TMEM132D: variants seen among roughly 807,000 people sequenced by gnomAD.
TMEM132D encodes transmembrane protein 132D.
In TMEM132D, 21 loss-of-function variants were observed where a neutral mutation model predicts 62.3. That is an observed-to-expected ratio of 0.34 (90% CI 0.24 to 0.49). TMEM132D has a LOEUF of 0.49. Ranked by LOEUF, TMEM132D falls within the 20% of genes least tolerant of loss-of-function variation. The probability of loss-of-function intolerance (pLI) is 0.99; values close to 1 mark genes in which losing one functional copy is unlikely to be tolerated. For missense variants in TMEM132D, 1,346 were observed against 1,402.8 expected (o/e 0.96, Z 0.65); for synonymous variants, 621 against 575.6 (o/e 1.08, Z -1.13).
intron 1 of TMEM132D, among the ~76,000 whole-genome samples, chr12:129,749,832 G>A (rs773229762): frequency 2.0e-5 from 3 of 152,056 alleles, no homozygotes; most frequent in Non-Finnish European, 4.4e-5. Context: ...CCTGGCTCAC[G>A]GTACTTGTAC....
intron 1 of TMEM132D, among the ~76,000 whole-genome samples, chr12:129,756,726 G>C (rs1000063599): frequency 7.9e-5 from 12 of 152,178 alleles, no homozygotes; most frequent in Non-Finnish European, 1.5e-4. Flanking sequence ...ATTTTAAAAA[G>C]AAAAGCGAAC....
At chr12:129,520,119 G>A (rs528477657) in intron 3 of TMEM132D, among the ~76,000 whole-genome samples, 7 of 152,104 alleles carry the variant, frequency 4.6e-5, no homozygotes, top group African/African-American at 1.4e-4. Flanking sequence ...CAGTGAGGCC[G>A]AACTTGATTT....
At chr12:129,253,040 T>G (rs1593312392) in intron 4 of TMEM132D, among the ~76,000 whole-genome samples, 2 of 79,926 alleles carry the variant, frequency 2.5e-5, no homozygotes, top group Non-Finnish European at 4.5e-5. Flanking sequence ...TGGGGACTGT[T>G]GTGGGGTGGG....
chr12:129,291,839 G>A (rs1022619915), intron 4 of TMEM132D, among the ~76,000 whole-genome samples: 1 of 152,130 alleles, frequency 6.6e-6, no homozygotes, highest in South Asian at 2.1e-4. Flanking sequence ...GTTCTAAGCA[G>A]AGGCTAGGAG....
chr12:129,261,436 T>C (rs1297444281), intron 4 of TMEM132D, among the ~76,000 whole-genome samples: 3 of 152,212 alleles, frequency 2.0e-5, no homozygotes, highest in Non-Finnish European at 4.4e-5. Context: ...CCATGTAAGA[T>C]GTGCCTTTGC....
chr12:129,791,369 T>C (rs2137298737), intron 1 of TMEM132D, among the ~76,000 whole-genome samples: 1 of 152,348 alleles, frequency 6.6e-6, no homozygotes, highest in East Asian at 1.9e-4. Flanking sequence ...CTAACAATTT[T>C]GTAGACTATT....
chr12:129,891,614 C>G (rs575226938), intron 1 of TMEM132D, among the ~76,000 whole-genome samples: 1 of 152,064 alleles, frequency 6.6e-6, no homozygotes, highest in African/African-American at 2.4e-5. Context: ...CTTTTTTGGC[C>G]CAGAGATTAA....
chr12:129,731,327 A>C (rs1318657587), intron 1 of TMEM132D, among the ~76,000 whole-genome samples: 2 of 152,162 alleles, frequency 1.3e-5, no homozygotes, highest in African/African-American at 4.8e-5. Flanking sequence ...ACTTAAAAAA[A>C]AATGCATAGT....
At chr12:129,572,598 C>T (rs549942805) in intron 2 of TMEM132D, among the ~76,000 whole-genome samples, 5 of 152,248 alleles carry the variant, frequency 3.3e-5, no homozygotes, top group African/African-American at 7.2e-5. Context: ...ACTAGGCATG[C>T]GGCATCACAC....
chr12:129,760,470 T>C (rs941053467), intron 1 of TMEM132D, among the ~76,000 whole-genome samples: 2 of 151,634 alleles, frequency 1.3e-5, no homozygotes, highest in Non-Finnish European at 2.9e-5. Context: ...TAGCTGGGAC[T>C]ACAGGCCCCC....
intron 3 of TMEM132D, among the ~76,000 whole-genome samples, chr12:129,459,607 T>A (rs1873592412): frequency 6.6e-6 from 1 of 152,198 alleles, no homozygotes. Flanking sequence ...TTCAAGTTAG[T>A]GTTTCTGAAT....
chr12:129,901,873 C>A (rs118014673), intron 1 of TMEM132D, among the ~76,000 whole-genome samples: 4 of 100,278 alleles, frequency 4.0e-5, no homozygotes, highest in Non-Finnish European at 9.9e-5. Context: ...CCCCCCCGCC[C>A]CAAAAAAAAA....
At chr12:129,696,440 C>A (rs1475373031) in intron 2 of TMEM132D, among the ~76,000 whole-genome samples, 1 of 152,194 alleles carries the variant, frequency 6.6e-6, no homozygotes, top group African/African-American at 2.4e-5. Flanking sequence ...GATGTCTCTG[C>A]CTTTAAGAAC....
At chr12:129,153,214 C>A (rs1273903682) in intron 5 of TMEM132D, among the ~76,000 whole-genome samples, 1 of 152,032 alleles carries the variant, frequency 6.6e-6, no homozygotes, top group East Asian at 1.9e-4. Flanking sequence ...TGTGTGCAGC[C>A]CTGTGCCAGA....
At chr12:129,576,932 AC>A (rs1464389071) in intron 2 of TMEM132D, among the ~76,000 whole-genome samples, 3 of 151,940 alleles carry the variant, frequency 2.0e-5, no homozygotes, top group African/African-American at 7.3e-5. Flanking sequence ...TCGTTTGTTT[AC>A]AAGATGAATT....
At position 129,075,075 on chromosome 12, in the gene TMEM132D, T is replaced by G. The variant is rs756867682; in HGVS notation, c.2116-16A>C. On this transcript the variant is annotated splice_polypyrimidine_tract_variant and intron_variant, in intron 8 of 8. Transcript: ENST00000422113. The stretch of plus-strand genomic sequence containing the variant: ...TGGCTGCTTCCTATGGAGAAAAATA[T>G]GTAAGTTAATCAAATGGGCCAAAAA... 4 of 1,588,306 alleles carry G rather than the reference T, an allele frequency of 2.5e-6. No individual in the cohort carries two copies. In the African/African-American group the frequency reaches 5.4e-5, roughly 21 times the overall value.
intron 1 of TMEM132D, among the ~76,000 whole-genome samples, chr12:129,806,559 G>A: frequency 9.3e-6 from 1 of 106,960 alleles, no homozygotes; most frequent in Non-Finnish European, 1.8e-5. Context: ...GGGGGGAGGG[G>A]GGAGGGATAG....
intron 5 of TMEM132D, among the ~76,000 whole-genome samples, chr12:129,199,102 C>CTTT (rs58775767): frequency 2.1e-5 from 2 of 95,828 alleles, no homozygotes; most frequent in Non-Finnish European, 4.0e-5. Flanking sequence ...GTCCATCTAC[C>CTTT]TTTTTTTTTT....
At chr12:129,532,641 T>G (rs1427054918) in intron 2 of TMEM132D, among the ~76,000 whole-genome samples, 2 of 152,182 alleles carry the variant, frequency 1.3e-5, no homozygotes, top group Admixed American at 1.3e-4. Flanking sequence ...GTTCCCTCCC[T>G]TTTCATGGTC....
Sources: gnomAD v4.1 joint callset for allele counts (sites outside exome capture counted in the v4.1 genomes callset) on GRCh38, gnomAD v4.1.1 for gene constraint, MANE v1.5 for transcripts, NCBI Gene and HGNC (gene_info 2026-07-23, HGNC 2026-07-21) for gene names.